The following NBAS variants were observed in gnomAD, a reference collection of about 807,000 sequenced individuals.
The protein encoded by NBAS is NAG/BC035112 fusion.
In NBAS, 219 loss-of-function variants were observed where a neutral mutation model predicts 302.5. That is an observed-to-expected ratio of 0.72 (90% CI 0.65 to 0.81). NBAS has a LOEUF of 0.81. Ranked by LOEUF, NBAS falls within the 30% of genes least tolerant of loss-of-function variation. The probability of loss-of-function intolerance (pLI) is 0.00; values close to 1 mark genes in which losing one functional copy is unlikely to be tolerated. For missense variants in NBAS, 2,932 were observed against 2,841.6 expected (o/e 1.03, Z -0.72); for synonymous variants, 1,118 against 1,021.6 (o/e 1.09, Z -1.80).
chr2:15,027,082 T>G, the NBAS span, among the ~76,000 whole-genome samples: 4 of 152,158 alleles, frequency 2.6e-5, no homozygotes. Flanking sequence ...CTCTCAGGCT[T>G]TCTTTCTTTC....
At chr2:15,105,540 A>G in the NBAS span, among the ~76,000 whole-genome samples, 4 of 152,048 alleles carry the variant, frequency 2.6e-5, no homozygotes, top group Admixed American at 6.6e-5. Flanking sequence ...CTAGCTCACT[A>G]TCCTTAGAAG....
intron 28 of NBAS, among the ~76,000 whole-genome samples, chr2:15,389,332 CCAAA>C (rs992938223): frequency 6.6e-6 from 1 of 152,202 alleles, no homozygotes; most frequent in Non-Finnish European, 1.5e-5. Context: ...GAATTACCTT[CCAAA>C]CAAACAACTT....
chr2:15,053,695 G>A, the NBAS span, among the ~76,000 whole-genome samples: 1 of 151,590 alleles, frequency 6.6e-6, no homozygotes, highest in Non-Finnish European at 1.5e-5. Context: ...AAGAAGCCTA[G>A]GGCACGTCCA....
At position 15,330,758 on chromosome 2, in the gene NBAS, A is replaced by G. The variant is rs1473714459; in HGVS notation, c.4187T>C (p.Val1396Ala). 6.2e-7 allele frequency: 1 copy of G among 1,613,872 alleles called. No individual in the cohort carries two copies. The highest frequency in any genetic ancestry group is 8.5e-7 in the Non-Finnish European group (1 of 1,179,872). ...LTSKAVQEDE[V>A]GVPGSNSADL... Reference sequence around the variant, plus strand: ...AGCTGAATTGCTACCTGGAACACCTACTTCATCCTGTATTAAAGAAACAAA... The same window carrying G: ...AGCTGAATTGCTACCTGGAACACCTGCTTCATCCTGTATTAAAGAAACAAA... The change falls in exon 36 of 52, where the codon GTA (valine) becomes GCA (alanine). Residue 1396 changes from valine to alanine, a missense_variant. Val to Ala is a moderately conservative substitution (Grantham distance 64). Transcript: ENST00000281513.
intron 11 of NBAS, among the ~76,000 whole-genome samples, chr2:15,492,073 C>A (rs994051959): frequency 1.3e-5 from 2 of 152,140 alleles, no homozygotes; most frequent in African/African-American, 4.8e-5. Flanking sequence ...TGTAGTATTT[C>A]TTTCTTGAAC....
Position 15,330,681 on chromosome 2 carries a change from T to C in NBAS, c.4264A>G (p.Thr1422Ala), listed in dbSNP as rs372772947. 46 of 1,613,966 alleles carry C rather than the reference T, an allele frequency of 2.9e-5. No individual in the cohort carries two copies. Among genetic ancestry groups the C allele is most frequent in the Non-Finnish European group, 3.7e-5 (44 of 1,179,984 alleles). Residue 1422 changes from threonine to alanine, a missense_variant, in exon 36 of 52, where the codon ACA becomes GCA. Thr to Ala is a moderately conservative substitution (Grantham distance 58). Transcript: ENST00000281513. Reference protein sequence around the residue: ...ATTMKVLSNTTTTTKAVLQAV... With the variant: ...ATTMKVLSNTATTTKAVLQAV... ...TGCAGCACCGCTTTGGTGGTGGTTG[T>C]GGTGTTGGAAAGGACTTTCATGGTG...
chr2:15,356,301 A>G lies in NBAS; in HGVS notation c.3931+2T>C, dbSNP rs771623254. 6.2e-7 allele frequency: 1 copy of G among 1,609,810 alleles called. No individual in the cohort carries two copies. The highest frequency in any genetic ancestry group is 8.5e-7 in the Non-Finnish European group (1 of 1,176,178). ...AAAGTGTTAAATAAGCTGTCTACTC[A>G]CCTGTGGCCATCAGCTCCTGACAAT... On this transcript the variant is annotated splice_donor_variant, in intron 33 of 51. Transcript: ENST00000281513. LOFTEE classifies it high-confidence loss of function.
chr2:15,022,467 CT>C, the NBAS span, among the ~76,000 whole-genome samples: 1 of 152,100 alleles, frequency 6.6e-6, no homozygotes, highest in Non-Finnish European at 1.5e-5. Context: ...GGTTTTTCTA[CT>C]TACTTAACCT....
the NBAS span, among the ~76,000 whole-genome samples, chr2:15,084,776 C>T: frequency 1.3e-5 from 2 of 152,130 alleles, no homozygotes; most frequent in African/African-American, 2.4e-5. Context: ...GAAGTTGGTT[C>T]ACTCAGGGTG....
chr2:14,877,236 C>T, the NBAS span, among the ~76,000 whole-genome samples: 1 of 152,186 alleles, frequency 6.6e-6, no homozygotes, highest in Middle Eastern at 3.2e-3. Flanking sequence ...TGTGTTTTCG[C>T]ACTGCTTTCC....
chr2:15,036,434 C>T, the NBAS span, among the ~76,000 whole-genome samples: 1 of 152,110 alleles, frequency 6.6e-6, no homozygotes, highest in Non-Finnish European at 1.5e-5. Flanking sequence ...AAGACACAAT[C>T]CCTGCAAGGT....
chr2:14,829,871 A>T, the NBAS span, among the ~76,000 whole-genome samples: 4 of 152,350 alleles, frequency 2.6e-5, no homozygotes, highest in Admixed American at 6.5e-5. Context: ...AACGTGGCTG[A>T]TCATCAGAAT....
At chr2:15,488,660 T>A (rs1680733381) in intron 12 of NBAS, among the ~76,000 whole-genome samples, 4 of 152,150 alleles carry the variant, frequency 2.6e-5, no homozygotes, top group African/African-American at 9.7e-5. Context: ...CAAACTCTTT[T>A]ACAGATTACA....
intron 21 of NBAS, among the ~76,000 whole-genome samples, chr2:15,428,652 T>C (rs923910829): frequency 1.3e-5 from 2 of 152,032 alleles, no homozygotes; most frequent in Non-Finnish European, 2.9e-5. Flanking sequence ...TGTAGGAGGA[T>C]CGCTTGAGCC....
the NBAS span, among the ~76,000 whole-genome samples, chr2:14,977,792 T>A: frequency 1.3e-5 from 2 of 152,306 alleles, no homozygotes; most frequent in African/African-American, 2.4e-5. Flanking sequence ...CCTCTGTGCC[T>A]AATTAAATGA....
At chr2:14,842,615 A>T in the NBAS span, among the ~76,000 whole-genome samples, 1 of 152,058 alleles carries the variant, frequency 6.6e-6, no homozygotes, top group Non-Finnish European at 1.5e-5. Flanking sequence ...TGAAGATTCA[A>T]CCATAAAGAA....
At chr2:14,867,792 T>C in the NBAS span, among the ~76,000 whole-genome samples, 2 of 152,374 alleles carry the variant, frequency 1.3e-5, no homozygotes, top group Middle Eastern at 3.4e-3. Flanking sequence ...TTTCTGTTTA[T>C]ATTTTGTTTT....
the NBAS span, among the ~76,000 whole-genome samples, chr2:14,817,163 A>G: frequency 6.6e-6 from 1 of 152,178 alleles, no homozygotes; most frequent in East Asian, 1.9e-4. Context: ...GCTGTCTCAT[A>G]ATGTTATCAT....
rs1022084734 is a variant in NBAS at position 15,374,736 on chromosome 2, TA to T, written c.3591-17del. On this transcript the variant is annotated splice_polypyrimidine_tract_variant and intron_variant, in intron 30 of 51. Transcript: ENST00000281513. The stretch of plus-strand genomic sequence containing the variant: ...TAAGCAGCACCTAGAAGAAATTAGA[TA>T]AATTTTTAAAAAGAAGCAACATATG... 1.0e-5 allele frequency: 16 copies of T among 1,601,622 alleles called. No individual in the cohort carries two copies. Among genetic ancestry groups the T allele is most frequent in the East Asian group, 2.2e-5 (1 of 44,746 alleles).
Sources: gnomAD v4.1 joint callset for allele counts (sites outside exome capture counted in the v4.1 genomes callset) on GRCh38, gnomAD v4.1.1 for gene constraint, MANE v1.5 for transcripts, NCBI Gene and HGNC (gene_info 2026-07-23, HGNC 2026-07-21) for gene names.